The following SHANK2 variants were observed in gnomAD, a reference collection of about 807,000 sequenced individuals.
SHANK2 encodes SH3 and multiple ankyrin repeat domains protein 2.
SHANK2 carries 43 observed loss-of-function variants against 133.7 expected under a neutral mutation model. The observed-to-expected ratio is 0.32, with a 90% CI of 0.25 to 0.41. The LOEUF (loss-of-function observed/expected upper bound fraction) is 0.41, where lower values mean the gene tolerates loss of function less well. Among genes scored for constraint, SHANK2 ranks in the 10% least tolerant of loss-of-function variants. The pLI is 1.00. For synonymous variants in SHANK2, 1,017 were observed against 952.8 expected (o/e 1.07, Z -1.24); for missense variants, 1,994 against 2,235.8 (o/e 0.89, Z 2.18).
Position 70,842,875 on chromosome 11 carries a change from G to A in SHANK2, c.1175-22193C>T, listed in dbSNP as rs568807846. Among the ~76,000 whole-genome samples the A allele has an allele frequency of 3.3e-5, 5 of 152,334 alleles. No individual in the cohort carries two copies. In the East Asian group the frequency reaches 9.7e-4, roughly 29 times the overall value. On this transcript the variant is annotated intron_variant, in intron 11 of 25. Coordinates refer to ENST00000601538, the MANE Select transcript of SHANK2 (RefSeq NM_012309.5). ...CATCTGAGCTTGCACGGGGATCTGT[G>A]AGAATAACACGGACGGTGGAACCTT...
intron 14 of SHANK2, among the ~76,000 whole-genome samples, chr11:70,753,198 CA>C (rs375347837): frequency 9.8e-5 from 14 of 143,308 alleles, no homozygotes; most frequent in East Asian, 8.2e-4. Flanking sequence ...AAAAAACAAA[CA>C]AAAAAAAACA....
At chr11:70,510,805 G>C (rs2059195466) in intron 17 of SHANK2, among the ~76,000 whole-genome samples, 1 of 152,202 alleles carries the variant, frequency 6.6e-6, no homozygotes, top group Non-Finnish European at 1.5e-5. Context: ...CATGCTCCCA[G>C]CTGCCTTCCC....
chr11:70,497,005 A>G (rs1555157283), intron 21 of SHANK2: 3 of 456,542 alleles, frequency 6.6e-6, no homozygotes, highest in South Asian at 4.6e-5. Context: ...CTTCCTAATA[A>G]CCCCAAAACA....
chr11:70,768,805 G>A (rs1483012075), intron 14 of SHANK2, among the ~76,000 whole-genome samples: 2 of 152,160 alleles, frequency 1.3e-5, no homozygotes, highest in Non-Finnish European at 2.9e-5. Flanking sequence ...CCAAGGACTT[G>A]GCTGCTGAGG....
At chr11:70,561,557 C>G (rs890959149) in intron 17 of SHANK2, among the ~76,000 whole-genome samples, 26 of 151,982 alleles carry the variant, frequency 1.7e-4, no homozygotes, top group African/African-American at 6.3e-4. Context: ...GAGACAGGGT[C>G]TTACTCTGTT....
chr11:70,612,632 C>G (rs2060675702), intron 17 of SHANK2, among the ~76,000 whole-genome samples: 2 of 152,324 alleles, frequency 1.3e-5, no homozygotes, highest in South Asian at 4.1e-4. Flanking sequence ...GCTCCAGAAG[C>G]CCCCAGCGGC....
chr11:71,072,554 A>G (rs1241846800), intron 9 of SHANK2, among the ~76,000 whole-genome samples: 1 of 152,220 alleles, frequency 6.6e-6, no homozygotes, highest in Non-Finnish European at 1.5e-5. Context: ...CCCCGAAAGA[A>G]ATGAAAACAG....
At position 70,486,096 on chromosome 11, in the gene SHANK2, C is replaced by T. The variant is rs369159782; in HGVS notation, c.4197G>A (p.Val1399=). Residue 1399 remains valine, a synonymous_variant, in exon 25 of 26, where the codon GTG becomes GTA. Coordinates refer to ENST00000601538, the MANE Select transcript of SHANK2 (RefSeq NM_012309.5). The surrounding 1 kb of genome is among the most constrained non-coding windows in gnomAD (Gnocchi z 8.0). ...TAAAAATAAAATCCTCATCCAAGTC[C>T]ACGGATGCCAGAGGGGGAGGAGGGA... ...FRIPPPPLAS[V]DLDEDFIFTE... is the part of the protein sequence containing the mutation. The T allele has an allele frequency of 3.8e-5, 61 of 1,614,028 alleles. No homozygotes were observed. The African/African-American group carries it at 7.1e-4, about 19-fold the overall frequency.
chr11:71,233,518 T>C (rs966823805), intron 1 of SHANK2, among the ~76,000 whole-genome samples: 2 of 152,112 alleles, frequency 1.3e-5, no homozygotes, highest in Non-Finnish European at 2.9e-5. Flanking sequence ...GGCGTCTTTA[T>C]TGGGGGAATA....
At chr11:70,499,009 T>C (rs2059011961) in intron 21 of SHANK2, among the ~76,000 whole-genome samples, 1 of 152,240 alleles carries the variant, frequency 6.6e-6, no homozygotes, top group South Asian at 2.1e-4. Flanking sequence ...TGTAAAGGCC[T>C]GACTTTTGTT....
At chr11:71,109,382 C>T (rs1758626778) in intron 6 of SHANK2, among the ~76,000 whole-genome samples, 1 of 152,218 alleles carries the variant, frequency 6.6e-6, no homozygotes, top group South Asian at 2.1e-4. Flanking sequence ...GAGGCGGGTA[C>T]TGCCACTGAA....
intron 15 of SHANK2, among the ~76,000 whole-genome samples, chr11:70,693,298 C>G (rs373482872): frequency 3.3e-5 from 5 of 152,364 alleles, no homozygotes; most frequent in African/African-American, 1.2e-4. Flanking sequence ...AGACCCAACT[C>G]TTTTCATGAA....
intron 12 of SHANK2, among the ~76,000 whole-genome samples, chr11:70,813,861 G>A (rs1948329840): frequency 6.6e-6 from 1 of 152,164 alleles, no homozygotes; most frequent in South Asian, 2.1e-4. Context: ...AGGGCTTCAC[G>A]CTGCCTCTGT....
intron 10 of SHANK2, among the ~76,000 whole-genome samples, chr11:70,923,288 G>A (rs1042110307): frequency 1.3e-5 from 2 of 152,186 alleles, no homozygotes; most frequent in Admixed American, 6.6e-5. Flanking sequence ...TGTTACCCAG[G>A]CTGGAATGTA....
intron 11 of SHANK2, chr11:70,863,694 C>T (rs1565368778): frequency 2.4e-6 from 1 of 420,904 alleles, no homozygotes; most frequent in South Asian, 1.8e-5. Flanking sequence ...GAGGCACTGG[C>T]ACCCCGTTTC....
chr11:71,113,682 G>A (rs1179617156), intron 4 of SHANK2, among the ~76,000 whole-genome samples: 1 of 152,214 alleles, frequency 6.6e-6, no homozygotes, highest in African/African-American at 2.4e-5. Flanking sequence ...GAGTGGTTAT[G>A]GTTCCTCCCA....
At chr11:70,573,993 GGCCCCCA>G (rs1222690421) in intron 17 of SHANK2, among the ~76,000 whole-genome samples, 1 of 152,120 alleles carries the variant, frequency 6.6e-6, no homozygotes. Flanking sequence ...CCATGCACCT[GGCCCCCA>G]GCCCGGGTCC....
At chr11:70,933,639 G>A (rs565013730) in intron 10 of SHANK2, among the ~76,000 whole-genome samples, 64 of 152,274 alleles carry the variant, frequency 4.2e-4, no homozygotes, top group African/African-American at 1.5e-3. Flanking sequence ...GCAACAACAG[G>A]CTGGGTGTGG....
chr11:70,738,112 C>T (rs1946444923), intron 14 of SHANK2, among the ~76,000 whole-genome samples: 1 of 152,240 alleles, frequency 6.6e-6, no homozygotes, highest in Admixed American at 6.5e-5. Flanking sequence ...GCTGAAAGCC[C>T]CGAAATCTGT....
Sources: gnomAD v4.1 joint callset for allele counts (sites outside exome capture counted in the v4.1 genomes callset) on GRCh38, gnomAD v4.1.1 for gene constraint, Gnocchi (gnomAD v3.1) non-coding constraint, MANE v1.5 for transcripts, NCBI Gene and HGNC (gene_info 2026-07-23, HGNC 2026-07-21) for gene names.